Variants in PCDH7 observed in about 807,000 individuals in gnomAD.
PCDH7 encodes the protein protocadherin 7.
A neutral mutation model predicts 58.9 loss-of-function variants in PCDH7; 17 were observed. The ratio of observed to expected loss-of-function variants is 0.29; its 90% confidence interval spans 0.20 to 0.43. The LOEUF is 0.43. Among genes scored for constraint, PCDH7 ranks in the 20% least tolerant of loss-of-function variants. PCDH7 has a pLI of 1.00. For missense variants in PCDH7, 1,274 were observed against 1,441.0 expected (o/e 0.88, Z 1.88); for synonymous variants, 664 against 616.4 (o/e 1.08, Z -1.14).
At chr4:30,869,271 T>C (rs1199665938) in intron 1 of PCDH7, among the ~76,000 whole-genome samples, 1 of 149,636 alleles carries the variant, frequency 6.7e-6, no homozygotes, top group African/African-American at 2.5e-5. Flanking sequence ...ACTCAGAAAA[T>C]AATTATGTTG....
intron 3 of PCDH7, among the ~76,000 whole-genome samples, chr4:31,101,054 A>G (rs1269764830): frequency 6.6e-6 from 1 of 152,210 alleles, no homozygotes; most frequent in East Asian, 1.9e-4. Context: ...AAAAAAATGT[A>G]TTTGATTTTC....
intron 3 of PCDH7, among the ~76,000 whole-genome samples, chr4:31,053,252 A>G (rs1257524368): frequency 3.3e-5 from 5 of 151,984 alleles, no homozygotes; most frequent in Admixed American, 3.3e-4. Context: ...ACTACCCCCT[A>G]CCCAAAGTCC....
At chr4:30,890,102 A>G (rs1276938713) in intron 1 of PCDH7, among the ~76,000 whole-genome samples, 1 of 152,192 alleles carries the variant, frequency 6.6e-6, no homozygotes, top group Non-Finnish European at 1.5e-5. Context: ...TGTTCTATGT[A>G]CAGCATTTAT....
At position 30,743,532 on chromosome 4, in the gene PCDH7, A is replaced by G. The variant is rs74996106; in HGVS notation, c.70+18936A>G. Among the ~76,000 whole-genome samples the G allele has an allele frequency of 4.7e-3, 708 of 152,188 alleles. 6 individuals are homozygous for G. The highest frequency in any genetic ancestry group is 0.016 in the African/African-American group (670 of 41,528). On this transcript the variant is annotated intron_variant, in intron 1 of 3. Transcript: ENST00000509759. ...GGGACTTTTTCATCAAAGGAAAAAG[A>G]TAGAAATAAAGGTACTAAGGGAATA...
intron 3 of PCDH7, among the ~76,000 whole-genome samples, chr4:31,040,640 G>C (rs1335800894): frequency 2.0e-5 from 3 of 152,074 alleles, no homozygotes; most frequent in African/African-American, 7.2e-5. Flanking sequence ...TAAAAATGAA[G>C]CAAAAATTTA....
At chr4:31,058,410 T>C (rs1242134144) in intron 3 of PCDH7, among the ~76,000 whole-genome samples, 5 of 152,082 alleles carry the variant, frequency 3.3e-5, no homozygotes, top group African/African-American at 7.2e-5. Context: ...GGCTTGTTGA[T>C]ATATGCCAGT....
chr4:30,742,896 A>T (rs1343670901), intron 1 of PCDH7, among the ~76,000 whole-genome samples: 1 of 152,182 alleles, frequency 6.6e-6, no homozygotes, highest in Non-Finnish European at 1.5e-5. Flanking sequence ...AGTGGTTACA[A>T]TCCTGGCTAG....
intron 3 of PCDH7, among the ~76,000 whole-genome samples, chr4:30,985,321 A>G (rs145584533): frequency 6.6e-6 from 1 of 152,196 alleles, no homozygotes; most frequent in East Asian, 1.9e-4. Flanking sequence ...TCTACTAATT[A>G]TTTATTAGAT....
At chr4:30,944,096 T>C (rs970076113) in intron 2 of PCDH7, among the ~76,000 whole-genome samples, 6 of 152,084 alleles carry the variant, frequency 3.9e-5, no homozygotes, top group Non-Finnish European at 7.4e-5. Context: ...TCAAAATCAT[T>C]TCCTGACAAT....
intron 3 of PCDH7, among the ~76,000 whole-genome samples, chr4:30,978,234 C>T (rs1158158092): frequency 2.6e-5 from 4 of 152,156 alleles, no homozygotes; most frequent in African/African-American, 7.2e-5. Flanking sequence ...ATTTTTCAGT[C>T]CTGCCTCTGC....
chr4:31,009,578 G>A (rs1048013319), intron 3 of PCDH7, among the ~76,000 whole-genome samples: 1 of 151,948 alleles, frequency 6.6e-6, no homozygotes, highest in African/African-American at 2.4e-5. Context: ...AATATATTCT[G>A]TGACTTAGAT....
chr4:31,099,942 A>G (rs1366836069), intron 3 of PCDH7, among the ~76,000 whole-genome samples: 8 of 151,620 alleles, frequency 5.3e-5, no homozygotes, highest in African/African-American at 1.9e-4. Flanking sequence ...CTTTGTGCCT[A>G]TAACATTATG....
chr4:31,123,240 AT>A (rs1717899767), intron 3 of PCDH7, among the ~76,000 whole-genome samples: 1 of 152,106 alleles, frequency 6.6e-6, no homozygotes, highest in African/African-American at 2.4e-5. Context: ...GACACCTTTA[AT>A]TTTTGCCAGG....
intron 2 of PCDH7, among the ~76,000 whole-genome samples, chr4:30,922,876 G>C (rs1315733400): frequency 6.6e-6 from 1 of 152,104 alleles, no homozygotes; most frequent in African/African-American, 2.4e-5. Flanking sequence ...TAACAAATTT[G>C]TTGGGTCCGT....
At chr4:31,082,533 G>C (rs1394233102) in intron 3 of PCDH7, among the ~76,000 whole-genome samples, 1 of 152,142 alleles carries the variant, frequency 6.6e-6, no homozygotes, top group Non-Finnish European at 1.5e-5. Flanking sequence ...GGAAATACTG[G>C]TGAGAAAGAG....
At chr4:30,995,415 C>T (rs1299633370) in intron 3 of PCDH7, among the ~76,000 whole-genome samples, 1 of 151,610 alleles carries the variant, frequency 6.6e-6, no homozygotes, top group Non-Finnish European at 1.5e-5. Context: ...GGGAGGCTCA[C>T]GCAGGAGACT....
rs116374841 is a variant in PCDH7 at position 31,120,667 on chromosome 4, C to A, written c.*8-21806C>A. On this transcript the variant is annotated intron_variant, in intron 3 of 3. Transcript: ENST00000509759. Reference sequence around the variant, plus strand: ...TTGTTCGCTGCAATGTCCAACCAAGCAAATAAAGATGCAGTGGCTAAGCAA... The same window carrying A: ...TTGTTCGCTGCAATGTCCAACCAAGAAAATAAAGATGCAGTGGCTAAGCAA... Among the ~76,000 whole-genome samples the A allele has an allele frequency of 7.7e-3, 1,175 of 152,126 alleles. 19 individuals are homozygous for A. Among genetic ancestry groups the A allele is most frequent in the African/African-American group, 0.027 (1,109 of 41,500 alleles).
intron 3 of PCDH7, among the ~76,000 whole-genome samples, chr4:30,991,656 T>G (rs573132641): frequency 6.6e-6 from 1 of 152,200 alleles, no homozygotes; most frequent in Admixed American, 6.5e-5. Flanking sequence ...GTATTTGAAA[T>G]TGACACCAAA....
At chr4:31,118,482 T>A (rs1717262765) in intron 3 of PCDH7, among the ~76,000 whole-genome samples, 2 of 152,162 alleles carry the variant, frequency 1.3e-5, no homozygotes, top group South Asian at 4.1e-4. Context: ...TGATCCATCA[T>A]CTTTCCAGTT....
Sources: allele counts gnomAD v4.1 joint callset (sites outside exome capture counted in the v4.1 genomes callset), GRCh38; gene constraint gnomAD v4.1.1; transcripts MANE v1.5; gene names NCBI Gene and HGNC (gene_info 2026-07-23, HGNC 2026-07-21).